The following ADGRG6 variants were observed in gnomAD, a reference collection of about 807,000 sequenced individuals.
ADGRG6 encodes adhesion G protein-coupled receptor G6.
In ADGRG6, 84 loss-of-function variants were observed where a neutral mutation model predicts 142.4. The ratio of observed to expected loss-of-function variants is 0.59; its 90% CI spans 0.49 to 0.71. The LOEUF (loss-of-function observed/expected upper bound fraction) is 0.71, where lower values mean the gene tolerates loss of function less well. ADGRG6 is among the 30% of genes least tolerant of loss of function. ADGRG6 has a pLI of 0.00. For synonymous variants in ADGRG6, 521 were observed against 520.5 expected (o/e 1.00, Z -0.01); for missense variants, 1,367 against 1,466.6 (o/e 0.93, Z 1.11).
At position 142,302,308 on chromosome 6, in the gene ADGRG6, A is replaced by G; in HGVS notation, c.-22A>G. On this transcript the variant is annotated 5_prime_UTR_variant, in exon 1 of 25. Coordinates refer to ENST00000367609, the MANE Select transcript of ADGRG6 (RefSeq NM_198569.3). Reference sequence around the variant, plus strand: ...GAGGATGATCTTGCGGCCAAAGGGGACCTCGGCGCAGTAATGTCAACATGT... The same window carrying G: ...GAGGATGATCTTGCGGCCAAAGGGGGCCTCGGCGCAGTAATGTCAACATGT... 6.2e-7 allele frequency: 1 copy of G among 1,612,356 alleles called. No individual in the cohort carries two copies. Among genetic ancestry groups the G allele is most frequent in the Non-Finnish European group, 8.5e-7 (1 of 1,179,102 alleles).
intron 2 of ADGRG6, among the ~76,000 whole-genome samples, chr6:142,361,307 A>C (rs1462603577): frequency 6.6e-6 from 1 of 152,222 alleles, no homozygotes; most frequent in Non-Finnish European, 1.5e-5. Context: ...CTTATTAATC[A>C]TCCAAGAATT....
At chr6:142,418,332 A>G (rs1582661779) in intron 21 of ADGRG6, among the ~76,000 whole-genome samples, 1 of 150,862 alleles carries the variant, frequency 6.6e-6, no homozygotes, top group East Asian at 1.9e-4. Context: ...ACTTACATCC[A>G]ATCACTTATC....
At chr6:142,440,926 A>G (rs1777729360) in intron 24 of ADGRG6, 2 of 1,492,088 alleles carry the variant, frequency 1.3e-6, no homozygotes, top group Middle Eastern at 1.7e-4. Flanking sequence ...TCCTATGAGC[A>G]TTCCTTCAAC....
At chr6:142,425,763 A>G (rs1182682374) in intron 22 of ADGRG6, among the ~76,000 whole-genome samples, 2 of 152,170 alleles carry the variant, frequency 1.3e-5, no homozygotes, top group Non-Finnish European at 2.9e-5. Context: ...TTACAAAACA[A>G]AGAGCTTTAA....
At chr6:142,306,955 G>A (rs1777529218) in intron 1 of ADGRG6, among the ~76,000 whole-genome samples, 1 of 152,074 alleles carries the variant, frequency 6.6e-6, no homozygotes, top group Non-Finnish European at 1.5e-5. Flanking sequence ...TTTTCTGTCT[G>A]AAGTGATAGA....
rs1317201284 is a variant in ADGRG6, at chr6:142,444,301, T to C, written c.*786T>C. 1 of 152,206 alleles carries C rather than the reference T, an allele frequency of 6.6e-6. No individual in the cohort carries two copies. The allele number at this position is 152,206 out of a possible 1,614,324, so 9.4% of individuals were successfully genotyped here. On this transcript the variant is annotated 3_prime_UTR_variant, in exon 25 of 25. Coordinates refer to ENST00000367609, the MANE Select transcript of ADGRG6 (RefSeq NM_198569.3). ...CCCAGGAGTTGTTTAAGAATGAATC[T>C]CTTACACCTCTACTTTTGCCCCTCT...
chr6:142,353,867 T>C (rs1421901345), intron 2 of ADGRG6, among the ~76,000 whole-genome samples: 1 of 152,210 alleles, frequency 6.6e-6, no homozygotes, highest in Admixed American at 6.5e-5. Flanking sequence ...TCTTTGTCTT[T>C]TGCTTCAGCA....
chr6:142,417,192 T>C, intron 20 of ADGRG6, 81 bp from the exon 21 acceptor site: 1 of 779,780 alleles, frequency 1.3e-6, no homozygotes, highest in Non-Finnish European at 2.3e-6. Flanking sequence ...TTTCATTTCT[T>C]TTCTTTACAT....
intron 22 of ADGRG6, among the ~76,000 whole-genome samples, chr6:142,422,434 G>A (rs1208508714): frequency 1.3e-5 from 2 of 152,086 alleles, no homozygotes; most frequent in Non-Finnish European, 2.9e-5. Context: ...TTGCTCTTGC[G>A]ATAGTTTACT....
At chr6:142,404,221 TG>T (rs368981922) in intron 14 of ADGRG6, 18 of 456,426 alleles carry the variant, frequency 3.9e-5, no homozygotes, top group African/African-American at 2.8e-4. Flanking sequence ...GAGCTAAGCA[TG>T]AGTAGGGGCC....
intron 22 of ADGRG6, among the ~76,000 whole-genome samples, chr6:142,433,397 A>G (rs1280787069): frequency 6.6e-6 from 1 of 152,218 alleles, no homozygotes. Flanking sequence ...TTGCTTATTG[A>G]AAGGATTGAC....
intron 24 of ADGRG6, among the ~76,000 whole-genome samples, chr6:142,442,847 T>TA (rs1777823242): frequency 6.6e-6 from 1 of 152,062 alleles, no homozygotes; most frequent in East Asian, 1.9e-4. Context: ...CAAACCTATA[T>TA]AAAAAATAGA....
chr6:142,377,434 G>A (rs1781556260), intron 4 of ADGRG6, among the ~76,000 whole-genome samples: 1 of 152,186 alleles, frequency 6.6e-6, no homozygotes, highest in Admixed American at 6.5e-5. Flanking sequence ...TCTATGGGCA[G>A]GCTCAGGCAA....
At chr6:142,404,828 AG>A (rs1364971227) in intron 14 of ADGRG6, among the ~76,000 whole-genome samples, 2 of 152,090 alleles carry the variant, frequency 1.3e-5, no homozygotes, top group Admixed American at 1.3e-4. Context: ...GTGATGTAGA[AG>A]TCTGGGATAG....
At chr6:142,365,030 G>GT (rs1474837806) in intron 2 of ADGRG6, among the ~76,000 whole-genome samples, 1 of 152,152 alleles carries the variant, frequency 6.6e-6, no homozygotes, top group Admixed American at 6.5e-5. Context: ...CTGTCTGCAT[G>GT]TTGCGATGAC....
chr6:142,316,183 T>TA (rs948605082), intron 2 of ADGRG6, among the ~76,000 whole-genome samples: 9 of 152,102 alleles, frequency 5.9e-5, no homozygotes, highest in African/African-American at 9.7e-5. Flanking sequence ...ATATGCTTTA[T>TA]AAAAAAATTA....
intron 2 of ADGRG6, among the ~76,000 whole-genome samples, chr6:142,321,993 G>A (rs1250966249): frequency 6.6e-6 from 1 of 152,102 alleles, no homozygotes; most frequent in Non-Finnish European, 1.5e-5. Flanking sequence ...TTCTTTATTT[G>A]TTAGAGTATT....
Position 142,443,542 on chromosome 6 carries a change from G to C in ADGRG6, c.*27G>C. ...GTCTTTAAGAAAAAGAAATCAATCT[G>C]CAGAAATGTGAAGATTTGCAAGCAG... On this transcript the variant is annotated 3_prime_UTR_variant, in exon 25 of 25. Transcript: ENST00000367609. The C allele has an allele frequency of 6.5e-7, 1 of 1,532,948 alleles. No individual in the cohort carries two copies. Among genetic ancestry groups the C allele is most frequent in the South Asian group, 1.2e-5 (1 of 85,636 alleles). The allele number at this position is 1,532,948 out of a possible 1,614,324, so 95.0% of individuals were successfully genotyped here. A position where few individuals can be genotyped will look rare whatever the true frequency, so the allele number is the denominator to read the frequency against.
At chr6:142,375,421 A>G (rs776631994) in intron 4 of ADGRG6, among the ~76,000 whole-genome samples, 9 of 152,098 alleles carry the variant, frequency 5.9e-5, no homozygotes, top group Non-Finnish European at 1.2e-4. Flanking sequence ...GTTTCAGGAG[A>G]AATGATGGGA....
Sources: gnomAD v4.1 joint callset for allele counts (sites outside exome capture counted in the v4.1 genomes callset) on GRCh38, gnomAD v4.1.1 for gene constraint, MANE v1.5 for transcripts, NCBI Gene and HGNC (gene_info 2026-07-23, HGNC 2026-07-21) for gene names.